KCNK5: variants seen among roughly 807,000 people sequenced by gnomAD.
KCNK5 encodes potassium two pore domain channel subfamily K member 5.
KCNK5 carries 18 observed loss-of-function variants against 32.9 expected under a neutral mutation model. The observed-to-expected ratio is 0.55, with a 90% confidence interval of 0.38 to 0.81. The LOEUF (loss-of-function observed/expected upper bound fraction) is 0.81, where lower values mean the gene tolerates loss of function less well. KCNK5 is among the 30% of genes least tolerant of loss of function. The pLI, the probability that KCNK5 is intolerant of heterozygous loss-of-function variation, is 0.00. For missense variants in KCNK5, 507 were observed against 651.0 expected (o/e 0.78, Z 2.41); for synonymous variants, 276 against 275.3 (o/e 1.00, Z -0.03).
intron 2 of KCNK5, among the ~76,000 whole-genome samples, chr6:39,195,248 A>C (rs1452211429): frequency 1.3e-5 from 2 of 152,222 alleles, no homozygotes; most frequent in Admixed American, 1.3e-4. Context: ...GGTGAGGTCT[A>C]AGAAGCCTGC....
chr6:39,195,845 G>A, intron 2 of KCNK5, 31 bp downstream of exon 2: 9 of 1,535,848 alleles, frequency 5.9e-6, no homozygotes, highest in Admixed American at 1.7e-5. Context: ...GGGCATGGAT[G>A]TGGGTGTCCT....
At chr6:39,227,457 G>T (rs574692577) in intron 1 of KCNK5, among the ~76,000 whole-genome samples, 1 of 152,024 alleles carries the variant, frequency 6.6e-6, no homozygotes, top group Non-Finnish European at 1.5e-5. Flanking sequence ...GCTGTTAGGA[G>T]GTAAACCAAC....
chr6:39,223,235 T>C (rs566630991), intron 1 of KCNK5, among the ~76,000 whole-genome samples: 90 of 152,324 alleles, frequency 5.9e-4, no homozygotes, highest in African/African-American at 1.6e-3. Context: ...AAGCAAACTA[T>C]GGTGTGGCTT....
intron 1 of KCNK5, among the ~76,000 whole-genome samples, chr6:39,223,291 T>C (rs1453493417): frequency 6.6e-6 from 1 of 152,188 alleles, no homozygotes; most frequent in African/African-American, 2.4e-5. Context: ...TGGTTGGTGA[T>C]TCCTTCAGCA....
intron 1 of KCNK5, among the ~76,000 whole-genome samples, chr6:39,211,157 A>G (rs1314690120): frequency 6.6e-6 from 1 of 152,218 alleles, no homozygotes; most frequent in African/African-American, 2.4e-5. Flanking sequence ...ATCAGTGTAC[A>G]TTATGAACCA....
chr6:39,207,597 C>A (rs965997063), intron 1 of KCNK5, among the ~76,000 whole-genome samples: 1 of 142,074 alleles, frequency 7.0e-6, no homozygotes, highest in Admixed American at 7.1e-5. Context: ...AGTTCCCCTG[C>A]GGACTCTGGA....
intron 1 of KCNK5, among the ~76,000 whole-genome samples, chr6:39,225,023 C>T (rs541416148): frequency 1.3e-5 from 2 of 152,006 alleles, no homozygotes; most frequent in African/African-American, 2.4e-5. Context: ...CTTTCTAATC[C>T]AAGACCCCAC....
At chr6:39,226,060 G>A (rs570432402) in intron 1 of KCNK5, among the ~76,000 whole-genome samples, 3 of 152,340 alleles carry the variant, frequency 2.0e-5, no homozygotes, top group South Asian at 4.1e-4. Flanking sequence ...GGAAAGGAAG[G>A]CAAAGTTAAG....
chr6:39,212,283 C>T (rs547866859), intron 1 of KCNK5, among the ~76,000 whole-genome samples: 5 of 152,174 alleles, frequency 3.3e-5, no homozygotes, highest in Admixed American at 1.3e-4. Flanking sequence ...GAGAGAGATT[C>T]TGTCTCAAAA....
chr6:39,203,238 A>C (rs2815110), intron 1 of KCNK5, among the ~76,000 whole-genome samples: 74,308 of 152,132 alleles, frequency 0.49, 19,343 homozygotes, highest in East Asian at 0.75. Context: ...CCCCATTTTA[A>C]CAGAGAAAAC....
intron 1 of KCNK5, among the ~76,000 whole-genome samples, chr6:39,209,182 G>A (rs750933421): frequency 4.6e-5 from 7 of 152,262 alleles, no homozygotes; most frequent in Non-Finnish European, 1.0e-4. Context: ...TTACCCCAGG[G>A]GCTCTGGTCA....
rs766235003 is a variant in KCNK5, at chr6:39,201,002, G to T, written c.187-5015C>A. 3.5e-4 allele frequency among the ~76,000 whole-genome samples: 53 copies of T among 152,318 alleles called. 1 individual carries two copies. The highest frequency in any genetic ancestry group is 2.5e-3 in the Admixed American group (38 of 15,306). ...GAAACCAAAGTCAAGATGTTAGCCT[G>T]TTGGGATCACAGCTATCTGGCACCC... On this transcript the variant is annotated intron_variant, in intron 1 of 4. Transcript: ENST00000359534.
rs1336952452 is a variant in KCNK5 at position 39,194,623 on chromosome 6, G to T, written c.436C>A (p.Gln146Lys). 1.1e-5 allele frequency: 17 copies of T among 1,614,004 alleles called. No individual in the cohort carries two copies. The highest frequency in any genetic ancestry group is 1.3e-5 in the African/African-American group (1 of 74,900). ...CTCACACCTCTCTTGGTAAGGAACT[G>T]CCCTAGTCTCTTGGCACGTCCCCCG... ...FFGGRAKRLG[Q>K]FLTKRGVSLR... is the part of the protein sequence containing the mutation. The change falls in exon 3 of 5, where the codon CAG becomes AAG. Residue 146 changes from glutamine to lysine, a missense_variant. By Grantham distance (53) the Gln-to-Lys change is moderately conservative. Around this residue, in one of 6 missense-constraint regions of KCNK5, gnomAD observed 143 missense variants for 219.1 expected, o/e 0.65. Transcript: ENST00000359534. This position sits in a 1 kb window ranked among gnomAD's most constrained non-coding sequence, Gnocchi z 4.7.
chr6:39,217,874 C>A (rs1771469312), intron 1 of KCNK5, among the ~76,000 whole-genome samples: 1 of 152,154 alleles, frequency 6.6e-6, no homozygotes, highest in Non-Finnish European at 1.5e-5. Context: ...AAAACATCCT[C>A]CTTTCCCAGC....
At chr6:39,204,882 C>A (rs182291391) in intron 1 of KCNK5, among the ~76,000 whole-genome samples, 1 of 152,236 alleles carries the variant, frequency 6.6e-6, no homozygotes, top group Non-Finnish European at 1.5e-5. Flanking sequence ...CTAGGTCTCA[C>A]GCTCAGGAGG....
In KCNK5 at chr6:39,194,382, G is replaced by A; in HGVS notation, c.466-45C>T. On this transcript the variant is annotated intron_variant, in intron 3 of 4. Transcript: ENST00000359534. The surrounding 1 kb of genome is among the most constrained non-coding windows in gnomAD (Gnocchi z 4.7). ...CAAGTCAGAGAATAGTGGAGACTTG[G>A]AAACCCAGCAAAGGCACCCAGAGGG... The A allele has an allele frequency of 1.3e-6, 2 of 1,558,130 alleles. No individual in the cohort carries two copies. Among genetic ancestry groups the A allele is most frequent in the Non-Finnish European group, 1.7e-6 (2 of 1,151,606 alleles).
intron 1 of KCNK5, among the ~76,000 whole-genome samples, chr6:39,203,083 AC>A (rs1771160057): frequency 6.6e-6 from 1 of 152,158 alleles, no homozygotes; most frequent in African/African-American, 2.4e-5. Context: ...AAAGCTGCTC[AC>A]CCCCAAAGCT....
intron 1 of KCNK5, among the ~76,000 whole-genome samples, chr6:39,202,930 T>C (rs1771155759): frequency 2.0e-5 from 3 of 152,136 alleles, no homozygotes; most frequent in South Asian, 2.1e-4. Flanking sequence ...ACTTTCTCTG[T>C]CTGTAAAATA....
At position 39,190,798 on chromosome 6, in the gene KCNK5, C is replaced by A. The variant is rs943931192; in HGVS notation, c.*92G>T. 3 of 1,306,578 alleles carry A rather than the reference C, an allele frequency of 2.3e-6. No individual in the cohort carries two copies. Among genetic ancestry groups the A allele is most frequent in the Non-Finnish European group, 3.0e-6 (3 of 998,154 alleles). 80.9% of individuals were successfully genotyped at this position (1,306,578 alleles called of 1,614,324 possible). A position where few individuals can be genotyped will look rare whatever the true frequency, so the allele number is the denominator to read the frequency against. The stretch of plus-strand genomic sequence containing the variant: ...CACTCCCAGTTCCGAGGCTGCCCCC[C>A]CACCAGGGGCCAGGCGTCCCGGTCA... On this transcript the variant is annotated 3_prime_UTR_variant, in exon 5 of 5. Transcript: ENST00000359534.
Sources: gnomAD v4.1 joint callset for allele counts (sites outside exome capture counted in the v4.1 genomes callset) on GRCh38, gnomAD v4.1.1 for gene constraint, gnomAD v4.1.1 regional missense constraint, Gnocchi (gnomAD v3.1) non-coding constraint, MANE v1.5 for transcripts, NCBI Gene and HGNC (gene_info 2026-07-23, HGNC 2026-07-21) for gene names.